Variants in CPXM2 observed in about 807,000 individuals in gnomAD.
CPXM2 encodes carboxypeptidase X, M14 family member 2, also known as inactive carboxypeptidase-like protein X2.
Under a neutral mutation model 86.1 loss-of-function variants are expected in CPXM2, and 66 were observed. That is an observed-to-expected ratio of 0.77 (90% CI 0.63 to 0.94). The LOEUF (loss-of-function observed/expected upper bound fraction) is 0.94, where lower values mean the gene tolerates loss of function less well. Among genes scored for constraint, CPXM2 ranks in the 40% least tolerant of loss-of-function variants. CPXM2 has a pLI of 0.00. For synonymous variants in CPXM2, 388 were observed against 400.2 expected (o/e 0.97, Z 0.36); for missense variants, 948 against 1,026.3 (o/e 0.92, Z 1.04).
At chr10:123,817,737 T>A (rs182154745) in intron 4 of CPXM2, among the ~76,000 whole-genome samples, 2 of 151,808 alleles carry the variant, frequency 1.3e-5, no homozygotes, top group African/African-American at 4.8e-5. Context: ...TCATGGGGAG[T>A]TCCCTATCAT....
intron 3 of CPXM2, among the ~76,000 whole-genome samples, chr10:123,859,013 T>G (rs1848799232): frequency 6.6e-6 from 1 of 152,202 alleles, no homozygotes; most frequent in Non-Finnish European, 1.5e-5. Context: ...CGAGGCCACA[T>G]GGCTGGTCAG....
intron 2 of CPXM2, among the ~76,000 whole-genome samples, chr10:123,901,429 TTGTGTGTGTGTGTGTGTG>T (rs3069582): frequency 0.027 from 3,725 of 139,038 alleles, 143 homozygotes; most frequent in African/African-American, 0.093. Flanking sequence ...CCAAGCAAGT[TTGTGTGTGTGTGTGTGTG>T]TGTGTGTGTG....
At chr10:123,918,737 A>G (rs188840280) in intron 2 of CPXM2, among the ~76,000 whole-genome samples, 64 of 152,306 alleles carry the variant, frequency 4.2e-4, no homozygotes, top group Non-Finnish European at 7.3e-4. Context: ...GATCCCCTTC[A>G]GCAGCAGTGG....
At chr10:123,851,214 A>C (rs1021284701) in intron 3 of CPXM2, among the ~76,000 whole-genome samples, 1 of 152,172 alleles carries the variant, frequency 6.6e-6, no homozygotes, top group Admixed American at 6.5e-5. Flanking sequence ...CCACCACCAC[A>C]GGGCCTTTGC....
chr10:123,827,178 C>T (rs556526751), intron 4 of CPXM2, among the ~76,000 whole-genome samples: 2 of 152,242 alleles, frequency 1.3e-5, no homozygotes, highest in South Asian at 2.1e-4. Flanking sequence ...TTATCTGATG[C>T]AATGAGAAAT....
At chr10:123,817,956 G>A (rs1847847427) in intron 4 of CPXM2, among the ~76,000 whole-genome samples, 1 of 152,236 alleles carries the variant, frequency 6.6e-6, no homozygotes, top group Non-Finnish European at 1.5e-5. Context: ...AAATGGCCAG[G>A]TGTGCAATTA....
chr10:123,746,813 G>A lies in CPXM2; in HGVS notation c.2222C>T (p.Pro741Leu), dbSNP rs62640887. ...EKFGKQPVSL[P>L]ARRLKLRGQK... ...CCCCCGCAGCTTCAGCCGCCTGGCTGGCAGGCTGACGGGCTGCTTCCCAAA... is the reference window on the plus strand; with the variant it reads ...CCCCCGCAGCTTCAGCCGCCTGGCTAGCAGGCTGACGGGCTGCTTCCCAAA... Residue 741 changes from proline to leucine, a missense_variant, in exon 14 of 14, where the codon CCA (proline) becomes CTA (leucine). Pro to Leu is a moderately conservative substitution (Grantham distance 98). Coordinates refer to ENST00000241305, the MANE Select transcript of CPXM2 (RefSeq NM_198148.3). 1.6e-3 allele frequency: 2,575 copies of A among 1,614,140 alleles called. 2 individuals carry two copies. Among genetic ancestry groups the A allele is most frequent in the Non-Finnish European group, 2.1e-3 (2,421 of 1,179,988 alleles).
At chr10:123,912,313 G>GC (rs1235532297) in intron 2 of CPXM2, among the ~76,000 whole-genome samples, 1 of 120,706 alleles carries the variant, frequency 8.3e-6, no homozygotes, top group Non-Finnish European at 1.9e-5. Flanking sequence ...GTGGGCGGGG[G>GC]GGGGGGGGCA....
At chr10:123,779,071 T>A (rs1846873415) in intron 7 of CPXM2, among the ~76,000 whole-genome samples, 2 of 152,236 alleles carry the variant, frequency 1.3e-5, no homozygotes, top group South Asian at 4.1e-4. Flanking sequence ...TTGTAGTGGA[T>A]GGCTGCTCCC....
chr10:123,791,673 G>C (rs1462895111), intron 6 of CPXM2, among the ~76,000 whole-genome samples: 3 of 152,178 alleles, frequency 2.0e-5, no homozygotes, highest in Non-Finnish European at 4.4e-5. Flanking sequence ...ACCTCCTCTT[G>C]ATTGATAACA....
intron 2 of CPXM2, among the ~76,000 whole-genome samples, chr10:123,908,587 C>T (rs575402120): frequency 2.0e-5 from 3 of 151,954 alleles, no homozygotes; most frequent in Non-Finnish European, 2.9e-5. Flanking sequence ...ATGGAGGGCT[C>T]GGGGCAAGGA....
At position 123,746,803 on chromosome 10, in the gene CPXM2, C is replaced by A; in HGVS notation, c.2232G>T (p.Arg744=). 1 of 1,614,232 alleles carries A rather than the reference C, an allele frequency of 6.2e-7. No homozygotes were observed. Among genetic ancestry groups the A allele is most frequent in the Non-Finnish European group, 8.5e-7 (1 of 1,180,030 alleles). Residue 744 remains arginine, a synonymous_variant, in exon 14 of 14, where the codon CGG becomes CGT. Transcript: ENST00000241305. ...GKQPVSLPAR[R]LKLRGQKRRQ... ...GTCTCTTCTGCCCCCGCAGCTTCAG[C>A]CGCCTGGCTGGCAGGCTGACGGGCT...
chr10:123,889,876 C>T (rs1945239225), intron 1 of CPXM2, among the ~76,000 whole-genome samples: 2 of 152,108 alleles, frequency 1.3e-5, no homozygotes, highest in African/African-American at 4.8e-5. Flanking sequence ...CTCCTGCCTA[C>T]ACCACCCTAC....
At chr10:123,939,139 C>A (rs1945750352) in intron 2 of CPXM2, among the ~76,000 whole-genome samples, 1 of 152,148 alleles carries the variant, frequency 6.6e-6, no homozygotes, top group Admixed American at 6.5e-5. Flanking sequence ...TAAACTTGTC[C>A]CTCAGACCCA....
chr10:123,881,231 CTCTTCCCTTCCCTT>C lies in CPXM2; in HGVS notation c.305-936_305-923del, dbSNP rs1564811052. Among the ~76,000 whole-genome samples the C allele has an allele frequency of 7.0e-4, 66 of 93,880 alleles. 20 individuals carry two copies. Among genetic ancestry groups the C allele is most frequent in the Middle Eastern group, 9.6e-3 (2 of 208 alleles). 61.6% of individuals were successfully genotyped at this position (93,880 alleles called of 152,430 possible). ...TTGTTCCTTCTCCTGGAGCACCCTT[CTCTTCCCTTCCCTT>C]CCCTTCCCTTCCCTTCCCTTTACGC... On this transcript the variant is annotated intron_variant, in intron 1 of 13. Coordinates refer to ENST00000241305, the MANE Select transcript of CPXM2 (RefSeq NM_198148.3).
chr10:123,812,453 C>T (rs913743443), intron 4 of CPXM2, among the ~76,000 whole-genome samples: 4 of 152,022 alleles, frequency 2.6e-5, no homozygotes, highest in Non-Finnish European at 4.4e-5. Flanking sequence ...AATTGGTCCC[C>T]GATAAGGAGA....
chr10:123,902,499 C>T (rs1321977711), intron 2 of CPXM2, among the ~76,000 whole-genome samples: 1 of 152,088 alleles, frequency 6.6e-6, no homozygotes, highest in African/African-American at 2.4e-5. Flanking sequence ...TAGACGGGGG[C>T]CTATAAACAA....
chr10:123,846,768 T>C (rs1258433187), intron 3 of CPXM2, among the ~76,000 whole-genome samples: 2 of 152,140 alleles, frequency 1.3e-5, no homozygotes, highest in African/African-American at 4.8e-5. Flanking sequence ...GCAGGTGAAA[T>C]GGCTTCTGAA....
chr10:123,891,295 C>A lies in CPXM2; in HGVS notation c.304+61G>T, dbSNP rs1945264379. 2 of 1,346,066 alleles carry A rather than the reference C, an allele frequency of 1.5e-6. No homozygotes were observed. The highest frequency in any genetic ancestry group is 9.9e-7 in the Non-Finnish European group (1 of 1,006,830). The allele number at this position is 1,346,066 out of a possible 1,614,324, so 83.4% of individuals were successfully genotyped here. On this transcript the variant is annotated intron_variant, in intron 1 of 13. Coordinates refer to ENST00000241305, the MANE Select transcript of CPXM2 (RefSeq NM_198148.3). The surrounding 1 kb of genome is among the most constrained non-coding windows in gnomAD (Gnocchi z 5.6). ...ACACACAATGGGAGAAGCCAGTTGT[C>A]CCCTGGAGGCGCGCAACCACCGGCG...
Sources: allele counts gnomAD v4.1 joint callset (sites outside exome capture counted in the v4.1 genomes callset), GRCh38; gene constraint gnomAD v4.1.1; non-coding constraint Gnocchi (gnomAD v3.1); transcripts MANE v1.5; gene names NCBI Gene and HGNC (gene_info 2026-07-23, HGNC 2026-07-21).